The following UGP2 variants were observed in gnomAD, a reference collection of about 807,000 sequenced individuals.
UGP2 encodes UDP-glucose pyrophosphorylase 2, also known as UTP--glucose-1-phosphate uridylyltransferase.
Under a neutral mutation model 49.0 loss-of-function variants are expected in UGP2, and 40 were observed. That is an observed-to-expected ratio of 0.82 (90% confidence interval 0.63 to 1.06). The LOEUF is 1.06. Among genes scored for constraint, UGP2 ranks in the 50% least tolerant of loss-of-function variants. The pLI, the probability that UGP2 is intolerant of heterozygous loss-of-function variation, is 0.00. For synonymous variants in UGP2, 225 were observed against 213.0 expected (o/e 1.06, Z -0.49); for missense variants, 460 against 603.5 (o/e 0.76, Z 2.49).
In UGP2 at chr2:63,880,141, T is replaced by C. The variant is rs1671191117; in HGVS notation, c.256-2325T>C. 4.0e-5 allele frequency among the ~76,000 whole-genome samples: 6 copies of C among 151,422 alleles called. No individual in the cohort carries two copies. In the South Asian group the frequency reaches 1.3e-3, roughly 32 times the overall value. On this transcript the variant is annotated intron_variant, in intron 3 of 9. Transcript: ENST00000337130. ...CACAGTGGTCTTTCTTTCCTTCCTC[T>C]CCTCTCCCCTCTCCCCTTCCCCCTT...
chr2:63,868,288 CAA>C (rs1292880553), intron 3 of UGP2, among the ~76,000 whole-genome samples: 1 of 152,152 alleles, frequency 6.6e-6, no homozygotes, highest in Non-Finnish European at 1.5e-5. Flanking sequence ...ATTAAGTTGT[CAA>C]AATTTGGGTG....
chr2:63,858,951 A>G (rs13431437), intron 3 of UGP2, among the ~76,000 whole-genome samples: 8,799 of 137,512 alleles, frequency 0.064, 418 homozygotes, highest in African/African-American at 0.13. Context: ...CCTCACTTAT[A>G]TAATTTATGA....
At chr2:63,888,661 C>G (rs1024514470) in intron 8 of UGP2, 3 of 152,234 alleles carry the variant, frequency 2.0e-5, no homozygotes, top group African/African-American at 7.2e-5. Flanking sequence ...TGTAGACACA[C>G]CAGTTCACCT....
rs1671773603 is a variant in UGP2, at chr2:63,887,554, CTA to C, written c.1227_1228del (p.Tyr409Ter). 1 of 1,614,124 alleles carries C rather than the reference CTA, an allele frequency of 6.2e-7. No homozygotes were observed. Among genetic ancestry groups the C allele is most frequent in the South Asian group, 1.1e-5 (1 of 91,070 alleles). On this transcript the variant is annotated frameshift_variant, in exon 8 of 10. Coordinates refer to ENST00000337130, the MANE Select transcript of UGP2 (RefSeq NM_006759.4). LOFTEE classifies it high-confidence loss of function. ...SDLLLVMSNL[Y>X]SLNAGSLTMS... is the part of the protein sequence containing the mutation. Reference sequence around the variant, plus strand: ...ATCTCTTGCTGGTGATGTCAAACCTCTATAGTCTTAATGCAGGATCTCTGACA... The same window carrying C: ...ATCTCTTGCTGGTGATGTCAAACCTCTAGTCTTAATGCAGGATCTCTGACA...
At position 63,884,045 on chromosome 2, in the gene UGP2, A is replaced by G. The variant is rs770411208; in HGVS notation, c.527A>G (p.Gln176Arg). The change falls in exon 5 of 10, where the codon CAG becomes CGG. Residue 176 changes from glutamine to arginine, a missense_variant. Around this residue, in one of 2 missense-constraint regions of UGP2, gnomAD observed 317 missense variants for 473.0 expected, o/e 0.67. Coordinates refer to ENST00000337130, the MANE Select transcript of UGP2 (RefSeq NM_006759.4). ...NTDEDTKKILQKYNHCRVKIY... is the reference protein window; with the variant it reads ...NTDEDTKKILRKYNHCRVKIY... ...GATGAAGATACCAAAAAAATACTACAGAAGTACAATCATTGTCGTGTGAAA... is the reference window on the plus strand; with the variant it reads ...GATGAAGATACCAAAAAAATACTACGGAAGTACAATCATTGTCGTGTGAAA... 3 of 1,613,196 alleles carry G rather than the reference A, an allele frequency of 1.9e-6. No homozygotes were observed. The highest frequency in any genetic ancestry group is 1.7e-6 in the Non-Finnish European group (2 of 1,179,802).
chr2:63,871,408 C>T (rs138958646), intron 3 of UGP2, among the ~76,000 whole-genome samples: 5,000 of 152,256 alleles, frequency 0.033, 131 homozygotes, highest in Middle Eastern at 0.075. Flanking sequence ...GCCTCAGCCT[C>T]CTGAGTAGCT....
At chr2:63,856,254 T>C (rs991240507) in intron 1 of UGP2, 52 bp from the exon 2 acceptor site, 3 of 1,586,990 alleles carry the variant, frequency 1.9e-6, no homozygotes, top group Admixed American at 1.8e-5. Flanking sequence ...TACCAGCTGT[T>C]TGAATGGCTT....
At chr2:63,855,441 A>G (rs1449104604) in intron 1 of UGP2, 5 of 475,752 alleles carry the variant, frequency 1.1e-5, no homozygotes, top group Non-Finnish European at 2.1e-5. Flanking sequence ...TAAGATGATT[A>G]CTTTCTAGAT....
At position 63,889,847 on chromosome 2, in the gene UGP2, C is replaced by G. The variant is rs1401697020; in HGVS notation, c.1315-234C>G. ...AAAAAAAGAAAAAAAACCCTTAGAT[C>G]TGCTCAACTATCTTGTAAATTGCTT... On this transcript the variant is annotated intron_variant, in intron 8 of 9. Transcript: ENST00000337130. 7.7e-6 allele frequency: 3 copies of G among 389,920 alleles called. No homozygotes were observed. In the Admixed American group the frequency reaches 1.4e-4, roughly 18 times the overall value. The allele number at this position is 389,920 out of a possible 1,614,324, so 24.2% of individuals were successfully genotyped here.
intron 3 of UGP2, among the ~76,000 whole-genome samples, chr2:63,881,512 T>G (rs1263630020): frequency 6.6e-6 from 1 of 152,224 alleles, no homozygotes; most frequent in East Asian, 1.9e-4. Flanking sequence ...GAGGACCTAT[T>G]CCATTAAAGC....
chr2:63,884,178 A>T, intron 5 of UGP2, 85 bp downstream of exon 5: 1 of 1,494,528 alleles, frequency 6.7e-7, no homozygotes, highest in Non-Finnish European at 9.1e-7. Context: ...CAGTTTCAAG[A>T]TGTACAGGTA....
chr2:63,869,827 T>G (rs1470400877), intron 3 of UGP2, among the ~76,000 whole-genome samples: 1 of 152,208 alleles, frequency 6.6e-6, no homozygotes, highest in African/African-American at 2.4e-5. Context: ...ATTTTTGCCT[T>G]TGGACTGTGA....
chr2:63,878,823 C>T (rs1262098572), intron 3 of UGP2, among the ~76,000 whole-genome samples: 1 of 152,170 alleles, frequency 6.6e-6, no homozygotes, highest in African/African-American at 2.4e-5. Context: ...GCCTCAGACT[C>T]CCAAAGTGTT....
At chr2:63,866,803 A>G (rs13034260) in intron 3 of UGP2, among the ~76,000 whole-genome samples, 27,814 of 152,032 alleles carry the variant, frequency 0.18, 3,235 homozygotes, top group Non-Finnish European at 0.24. Flanking sequence ...GATGCTGGAA[A>G]ACACAGGATG....
At chr2:63,856,705 T>A in intron 2 of UGP2, 1 of 497,408 alleles carries the variant, frequency 2.0e-6, no homozygotes, top group East Asian at 5.3e-5. Context: ...TGTGTTTTGA[T>A]GTCATTGGGT....
At chr2:63,882,721 A>G (rs1282869298) in intron 4 of UGP2, 70 bp downstream of exon 4, 1 of 1,403,312 alleles carries the variant, frequency 7.1e-7, no homozygotes, top group East Asian at 2.4e-5. Context: ...CATAAATGTT[A>G]TAAAATGTAG....
chr2:63,842,516 C>T (rs1457305797), intron 1 of UGP2: 2 of 1,534,778 alleles, frequency 1.3e-6, no homozygotes, highest in African/African-American at 2.7e-5. Flanking sequence ...AATCCTTGTT[C>T]TCTTTTCCTG....
intron 3 of UGP2, among the ~76,000 whole-genome samples, chr2:63,881,922 A>C (rs1671343648): frequency 6.6e-6 from 1 of 152,354 alleles, no homozygotes; most frequent in East Asian, 1.9e-4. Flanking sequence ...GTTTGACAAA[A>C]AGTCTATGCT....
chr2:63,882,387 G>C, intron 3 of UGP2, 79 bp from the exon 4 acceptor site: 3 of 1,271,450 alleles, frequency 2.4e-6, no homozygotes, highest in African/African-American at 1.5e-5. Flanking sequence ...TGGAAGCATG[G>C]AAATAACCCT....
Sources: gnomAD v4.1 joint callset for allele counts (sites outside exome capture counted in the v4.1 genomes callset) on GRCh38, gnomAD v4.1.1 for gene constraint, gnomAD v4.1.1 regional missense constraint, MANE v1.5 for transcripts, NCBI Gene and HGNC (gene_info 2026-07-23, HGNC 2026-07-21) for gene names.